SUGCT: variants seen among roughly 807,000 people sequenced by gnomAD.
SUGCT encodes the protein succinyl-CoA:glutarate-CoA transferase.
SUGCT carries 41 observed loss-of-function variants against 55.0 expected under a neutral mutation model. The ratio of observed to expected loss-of-function variants is 0.74; its 90% CI spans 0.58 to 0.97. The LOEUF (loss-of-function observed/expected upper bound fraction) is 0.97, where lower values mean the gene tolerates loss of function less well. SUGCT is among the 50% of genes least tolerant of loss of function. SUGCT has a pLI of 0.00. For synonymous variants in SUGCT, 187 were observed against 200.4 expected (o/e 0.93, Z 0.56); for missense variants, 568 against 547.8 (o/e 1.04, Z -0.37).
chr7:40,467,870 C>G (rs1334678327), intron 11 of SUGCT, among the ~76,000 whole-genome samples: 2 of 151,224 alleles, frequency 1.3e-5, no homozygotes, highest in Non-Finnish European at 2.9e-5. Context: ...ATAATTTGTT[C>G]AACTTTTTGA....
chr7:40,643,871 T>G (rs1800376706), intron 12 of SUGCT, among the ~76,000 whole-genome samples: 1 of 152,204 alleles, frequency 6.6e-6, no homozygotes, highest in Non-Finnish European at 1.5e-5. Flanking sequence ...GGAGAGTAGC[T>G]GACTTTCTAT....
the SUGCT span, among the ~76,000 whole-genome samples, chr7:41,015,054 G>T: frequency 6.6e-6 from 1 of 152,192 alleles, no homozygotes; most frequent in South Asian, 2.1e-4. Flanking sequence ...TTAGAGATGA[G>T]ATATAATTAT....
At chr7:40,895,565 A>C in the SUGCT span, among the ~76,000 whole-genome samples, 1 of 152,226 alleles carries the variant, frequency 6.6e-6, no homozygotes, top group Non-Finnish European at 1.5e-5. Flanking sequence ...AATGTGATAC[A>C]CCATATTAAC....
chr7:40,749,376 G>C, intron 12 of SUGCT, 58 bp from the exon 13 acceptor site: 2 of 1,366,752 alleles, frequency 1.5e-6, no homozygotes, highest in Non-Finnish European at 2.1e-6. Flanking sequence ...TCCATGCCTT[G>C]CAATTGAAGA....
intron 13 of SUGCT, among the ~76,000 whole-genome samples, chr7:40,847,159 A>G (rs7808304): frequency 0.22 from 33,143 of 152,080 alleles, 4,762 homozygotes; most frequent in East Asian, 0.8. Flanking sequence ...CTACACTGAA[A>G]CTGAGGCATG....
chr7:40,316,410 G>GA (rs941814826), intron 8 of SUGCT, among the ~76,000 whole-genome samples: 1 of 152,028 alleles, frequency 6.6e-6, no homozygotes, highest in Non-Finnish European at 1.5e-5. Flanking sequence ...ATGCAGAGGG[G>GA]AAAAAAATGC....
rs535861949 is a variant in SUGCT at position 40,854,630 on chromosome 7, T to C, written c.1154-5686T>C. Among the ~76,000 whole-genome samples the C allele has an allele frequency of 6.6e-5, 10 of 152,164 alleles. No homozygotes were observed. The South Asian group carries it at 1.7e-3, about 25-fold the overall frequency. ...AATCATTTAACTGGCCATACCATTC[T>C]AGGTTTAACAGTATGTCCCTTGAGA... On this transcript the variant is annotated intron_variant, in intron 13 of 13. Transcript: ENST00000335693.
chr7:40,993,622 G>A, the SUGCT span, among the ~76,000 whole-genome samples: 1 of 152,276 alleles, frequency 6.6e-6, no homozygotes, highest in Non-Finnish European at 1.5e-5. Flanking sequence ...CTTGATAGGA[G>A]GTAGGTAAGA....
intron 12 of SUGCT, among the ~76,000 whole-genome samples, chr7:40,575,428 A>G (rs1396445072): frequency 6.6e-6 from 1 of 152,122 alleles, no homozygotes; most frequent in Non-Finnish European, 1.5e-5. Context: ...TCAAATTACT[A>G]CTTGATTCAA....
intron 12 of SUGCT, among the ~76,000 whole-genome samples, chr7:40,664,716 C>T (rs1801513093): frequency 6.6e-6 from 1 of 152,138 alleles, no homozygotes; most frequent in Non-Finnish European, 1.5e-5. Flanking sequence ...CACGGTGGCT[C>T]ACACCTGTAA....
At chr7:40,558,964 G>A (rs1190329646) in intron 12 of SUGCT, among the ~76,000 whole-genome samples, 1 of 152,040 alleles carries the variant, frequency 6.6e-6, no homozygotes, top group Non-Finnish European at 1.5e-5. Flanking sequence ...TAAACATCCA[G>A]TTAAGAACAG....
rs1583493974 is a variant in SUGCT, at chr7:40,354,851, A to G, written c.816+37996A>G. Among the ~76,000 whole-genome samples the G allele has an allele frequency of 2.6e-5, 4 of 152,242 alleles. No individual in the cohort carries two copies. The South Asian group carries it at 8.3e-4, about 31-fold the overall frequency. ...ATAGTTAATACTTTTGGTGCCAAGC[A>G]CTTGGCTAAATAGTTTACATAATTT... On this transcript the variant is annotated intron_variant, in intron 9 of 13. Transcript: ENST00000335693.
chr7:40,988,290 C>G, the SUGCT span, among the ~76,000 whole-genome samples: 2 of 149,496 alleles, frequency 1.3e-5, no homozygotes, highest in South Asian at 4.4e-4. Context: ...GCCAAGAAGA[C>G]CCACAGGAAT....
chr7:40,965,439 G>A, the SUGCT span: 8 of 150,850 alleles, frequency 5.3e-5, no homozygotes, highest in Admixed American at 2.6e-4. Flanking sequence ...TCTTACCTTC[G>A]TCAATTACTC....
At chr7:40,492,912 A>G (rs926830813) in intron 11 of SUGCT, among the ~76,000 whole-genome samples, 1 of 152,152 alleles carries the variant, frequency 6.6e-6, no homozygotes, top group African/African-American at 2.4e-5. Flanking sequence ...TTTTATTGCA[A>G]TCTCCATGGC....
intron 9 of SUGCT, among the ~76,000 whole-genome samples, chr7:40,383,571 C>T (rs945391268): frequency 3.3e-5 from 5 of 152,066 alleles, no homozygotes; most frequent in Admixed American, 1.3e-4. Flanking sequence ...AGAGAACTTC[C>T]CATCTATTGG....
intron 12 of SUGCT, among the ~76,000 whole-genome samples, chr7:40,749,118 G>GGGGAGCTAATA (rs1244059090): frequency 6.6e-6 from 1 of 152,086 alleles, no homozygotes; most frequent in African/African-American, 2.4e-5. Flanking sequence ...TTTAATATTA[G>GGGGAGCTAATA]GGGAGCATCC....
chr7:40,954,711 C>A, the SUGCT span, among the ~76,000 whole-genome samples: 4 of 152,098 alleles, frequency 2.6e-5, no homozygotes, highest in Non-Finnish European at 1.5e-5. Context: ...AAGTCTTTAC[C>A]CATGCCTATG....
the SUGCT span, among the ~76,000 whole-genome samples, chr7:41,009,642 C>A: frequency 6.6e-6 from 1 of 151,940 alleles, no homozygotes; most frequent in Non-Finnish European, 1.5e-5. Flanking sequence ...TTCCTTCCAT[C>A]CACCATCCAT....
Sources: gnomAD v4.1 joint callset for allele counts (sites outside exome capture counted in the v4.1 genomes callset) on GRCh38, gnomAD v4.1.1 for gene constraint, MANE v1.5 for transcripts, NCBI Gene and HGNC (gene_info 2026-07-23, HGNC 2026-07-21) for gene names.